The following ATXN7L1 variants were observed in gnomAD, a reference collection of about 807,000 sequenced individuals.
The protein encoded by ATXN7L1 is ataxin-7-like protein 1.
ATXN7L1 carries 15 observed loss-of-function variants against 70.8 expected under a neutral mutation model. The observed-to-expected ratio is 0.21, with a 90% CI of 0.14 to 0.33. The LOEUF (loss-of-function observed/expected upper bound fraction) is 0.33. ATXN7L1 is among the 10% of genes least tolerant of loss of function. ATXN7L1 has a pLI of 1.00. For missense variants in ATXN7L1, 975 were observed against 1,097.1 expected (o/e 0.89, Z 1.57); for synonymous variants, 440 against 445.1 (o/e 0.99, Z 0.14).
Position 105,624,273 on chromosome 7 carries a change from G to C in ATXN7L1, c.1203-6C>G. 1 of 1,393,352 alleles carries C rather than the reference G, an allele frequency of 7.2e-7. No individual in the cohort carries two copies. Among genetic ancestry groups the C allele is most frequent in the Non-Finnish European group, 9.4e-7 (1 of 1,058,736 alleles). The allele number at this position is 1,393,352 out of a possible 1,614,324, so 86.3% of individuals were successfully genotyped here. ...TGCTATTTGCAGATGATGGTCTAAG[G>C]GCAAGAGCGGAGAACAAACAAAATA... On this transcript the variant is annotated splice_region_variant and splice_polypyrimidine_tract_variant and intron_variant, in intron 7 of 11. Transcript: ENST00000419735.
chr7:105,774,644 G>A (rs1290840491), intron 3 of ATXN7L1, among the ~76,000 whole-genome samples: 2 of 152,002 alleles, frequency 1.3e-5, no homozygotes, highest in African/African-American at 4.8e-5. Flanking sequence ...GAACCACCGC[G>A]CCCGGCCCCG....
At chr7:105,727,867 ATG>A in intron 3 of ATXN7L1, among the ~76,000 whole-genome samples, 1 of 148,476 alleles carries the variant, frequency 6.7e-6, no homozygotes, top group Non-Finnish European at 1.5e-5. Context: ...ATATATATAT[ATG>A]CAAGAAAAAT....
chr7:105,675,700 T>A (rs561132250), intron 3 of ATXN7L1, among the ~76,000 whole-genome samples: 3 of 152,098 alleles, frequency 2.0e-5, no homozygotes, highest in Non-Finnish European at 2.9e-5. Flanking sequence ...ATGCATTGCT[T>A]AATAGGCTCT....
chr7:105,862,635 G>T (rs1563152739), intron 2 of ATXN7L1, among the ~76,000 whole-genome samples: 1 of 152,160 alleles, frequency 6.6e-6, no homozygotes, highest in Non-Finnish European at 1.5e-5. Flanking sequence ...CCACACAGAG[G>T]AGGTGATTAA....
chr7:105,678,616 A>G (rs1435841418), intron 3 of ATXN7L1, among the ~76,000 whole-genome samples: 1 of 152,178 alleles, frequency 6.6e-6, no homozygotes, highest in African/African-American at 2.4e-5. Context: ...AAGAAACACA[A>G]TGACTGAGTA....
At chr7:105,720,780 C>T (rs978864683) in intron 3 of ATXN7L1, among the ~76,000 whole-genome samples, 30 of 152,222 alleles carry the variant, frequency 2.0e-4, no homozygotes, top group African/African-American at 6.3e-4. Context: ...CCTTCTCTAC[C>T]GCAGAGGAGT....
chr7:105,762,231 A>G (rs368908236), intron 3 of ATXN7L1, among the ~76,000 whole-genome samples: 1 of 152,192 alleles, frequency 6.6e-6, no homozygotes, highest in South Asian at 2.1e-4. Context: ...GACTTTCCTG[A>G]GAATCACAGC....
At chr7:105,642,723 C>T (rs1798452878) in intron 5 of ATXN7L1, 115 bp downstream of exon 5, 1 of 1,281,508 alleles carries the variant, frequency 7.8e-7, no homozygotes, top group African/African-American at 1.5e-5. Context: ...AACTCTGCAT[C>T]CCCCTTAAAA....
intron 4 of ATXN7L1, among the ~76,000 whole-genome samples, chr7:105,644,983 T>C (rs1798771896): frequency 6.6e-6 from 1 of 152,144 alleles, no homozygotes; most frequent in African/African-American, 2.4e-5. Flanking sequence ...TTAAGTGAAA[T>C]AAGCCTGTCA....
intron 2 of ATXN7L1, among the ~76,000 whole-genome samples, chr7:105,864,857 G>C (rs1817177033): frequency 6.6e-6 from 1 of 151,910 alleles, no homozygotes; most frequent in Non-Finnish European, 1.5e-5. Flanking sequence ...GGCTGGTCTC[G>C]AACTCCTGAC....
intron 4 of ATXN7L1, among the ~76,000 whole-genome samples, chr7:105,647,587 C>T (rs1341272707): frequency 6.6e-6 from 1 of 152,222 alleles, no homozygotes; most frequent in Non-Finnish European, 1.5e-5. Flanking sequence ...ACGGAGGTTG[C>T]AGTGAGCTGA....
At chr7:105,703,171 G>A (rs1426090809) in intron 3 of ATXN7L1, among the ~76,000 whole-genome samples, 1 of 152,060 alleles carries the variant, frequency 6.6e-6, no homozygotes, top group Non-Finnish European at 1.5e-5. Flanking sequence ...GGGCGTGGTG[G>A]CAGGTGCCTG....
At chr7:105,783,118 G>A (rs2116467889) in intron 3 of ATXN7L1, among the ~76,000 whole-genome samples, 1 of 152,296 alleles carries the variant, frequency 6.6e-6, no homozygotes, top group South Asian at 2.1e-4. Context: ...AGAAGGCTCA[G>A]AAGGTCATAT....
At chr7:105,846,002 T>A (rs1813973833) in intron 2 of ATXN7L1, among the ~76,000 whole-genome samples, 1 of 152,116 alleles carries the variant, frequency 6.6e-6, no homozygotes, top group Non-Finnish European at 1.5e-5. Context: ...GTTTCTTAGA[T>A]ATAACACCAA....
At chr7:105,618,817 C>T (rs937046063) in intron 9 of ATXN7L1, among the ~76,000 whole-genome samples, 4 of 152,168 alleles carry the variant, frequency 2.6e-5, no homozygotes, top group African/African-American at 9.7e-5. Context: ...CATTATCAAG[C>T]GGCCTATTAT....
chr7:105,777,838 G>T (rs1290719823), intron 3 of ATXN7L1, among the ~76,000 whole-genome samples: 1 of 152,184 alleles, frequency 6.6e-6, no homozygotes, highest in African/African-American at 2.4e-5. Context: ...TTCAGACTCT[G>T]TTCTACATGA....
intron 3 of ATXN7L1, among the ~76,000 whole-genome samples, chr7:105,715,330 T>C (rs756914867): frequency 6.6e-6 from 1 of 152,234 alleles, no homozygotes; most frequent in African/African-American, 2.4e-5. Flanking sequence ...CACGTGGGCA[T>C]CAAGTGAGAT....
intron 2 of ATXN7L1, among the ~76,000 whole-genome samples, chr7:105,856,940 C>CA (rs1815828476): frequency 1.3e-5 from 2 of 152,024 alleles, no homozygotes; most frequent in Admixed American, 6.6e-5. Flanking sequence ...AACTCTACTT[C>CA]AAAAAAAGAC....
rs1795004012 is a variant in ATXN7L1, at chr7:105,720,042, TAAG to T, written c.356-54757_356-54755del. 2.0e-5 allele frequency among the ~76,000 whole-genome samples: 3 copies of T among 152,344 alleles called. No individual in the cohort carries two copies. In the South Asian group the frequency reaches 6.2e-4, roughly 32 times the overall value. On this transcript the variant is annotated intron_variant, in intron 3 of 11. Transcript: ENST00000419735. ...CTACCAAAGCCCAGTGACATCTTAA[TAAG>T]AAGCCTGGTGGCATAGTCTTGGATC...
Sources: allele counts gnomAD v4.1 joint callset (sites outside exome capture counted in the v4.1 genomes callset), GRCh38; gene constraint gnomAD v4.1.1; transcripts MANE v1.5; gene names NCBI Gene and HGNC (gene_info 2026-07-23, HGNC 2026-07-21).